AVEN: variants seen among roughly 807,000 people sequenced by gnomAD.
AVEN encodes the protein cell death regulator Aven.
Under a neutral mutation model 38.1 loss-of-function variants are expected in AVEN, and 41 were observed. The observed-to-expected ratio is 1.08, with a 90% CI of 0.84 to 1.40. The LOEUF is 1.40. Among genes scored for constraint, AVEN ranks in the 40% most tolerant of loss-of-function variants. The pLI is 0.00. For missense variants in AVEN, 605 were observed against 438.8 expected (o/e 1.38, Z -3.38); for synonymous variants, 206 against 171.8 (o/e 1.20, Z -1.56).
chr15:33,905,336 T>C (rs1243733440), intron 2 of AVEN, among the ~76,000 whole-genome samples: 2 of 152,066 alleles, frequency 1.3e-5, no homozygotes, highest in African/African-American at 4.8e-5. Context: ...AATTCTCTCA[T>C]TGGAAAAATA....
chr15:33,883,079 G>A (rs1260467114), intron 2 of AVEN, among the ~76,000 whole-genome samples: 1 of 152,204 alleles, frequency 6.6e-6, no homozygotes, highest in East Asian at 1.9e-4. Flanking sequence ...AGGAGATCAA[G>A]TTCTTACCTA....
chr15:33,872,288 A>G (rs548247126), intron 3 of AVEN, among the ~76,000 whole-genome samples: 1 of 152,198 alleles, frequency 6.6e-6, no homozygotes, highest in African/African-American at 2.4e-5. Flanking sequence ...GCCAGGAATC[A>G]TAAGACTCTG....
chr15:33,992,550 A>T (rs989333840), intron 2 of AVEN, among the ~76,000 whole-genome samples: 2 of 152,344 alleles, frequency 1.3e-5, no homozygotes, highest in African/African-American at 4.8e-5. Context: ...TTTAATTTAT[A>T]GTTCTGTTTG....
At chr15:33,854,860 G>C (rs766735944), downstream of AVEN, 3 of 1,613,668 alleles carry the variant, frequency 1.9e-6, no homozygotes, top group South Asian at 1.1e-5. Flanking sequence ...ATCGCAATGG[G>C]CTTCAAGACA....
At position 33,984,407 on chromosome 15, in the gene AVEN, GTT is replaced by G. The variant is rs11363064; in HGVS notation, c.445+18623_445+18624del. Among the ~76,000 whole-genome samples the G allele has an allele frequency of 2.8e-4, 41 of 148,172 alleles. 1 individual carries two copies. The highest frequency in any genetic ancestry group is 1.8e-3 in the East Asian group (9 of 5,068). On this transcript the variant is annotated intron_variant, in intron 2 of 5. Transcript: ENST00000306730. ...CCTGTTAGAATAGATTGATGGTAGGGTTTTTTTTTTTTGAGACAGAGTTTCAC... is the reference window on the plus strand; with the variant it reads ...CCTGTTAGAATAGATTGATGGTAGGGTTTTTTTTTTGAGACAGAGTTTCAC...
At chr15:34,059,471 G>A (rs1489069016) in intron 5 of AVEN, among the ~76,000 whole-genome samples, 1 of 152,150 alleles carries the variant, frequency 6.6e-6, no homozygotes, top group Non-Finnish European at 1.5e-5. Context: ...ACTACCTTCA[G>A]AGTAGATGGG....
At chr15:33,917,350 T>TGGTGTG in intron 2 of AVEN, among the ~76,000 whole-genome samples, 1 of 50,504 alleles carries the variant, frequency 2.0e-5, no homozygotes, top group Admixed American at 2.2e-4. Flanking sequence ...AAAGAAAATG[T>TGGTGTG]GGTGTGTGTG....
chr15:33,941,955 G>C (rs888103761), intron 2 of AVEN, among the ~76,000 whole-genome samples: 2 of 152,168 alleles, frequency 1.3e-5, no homozygotes, highest in African/African-American at 4.8e-5. Context: ...TAAAGGGACA[G>C]CCTGCCCTAA....
intron 3 of AVEN, among the ~76,000 whole-genome samples, chr15:33,872,554 G>C (rs1422333042): frequency 6.6e-6 from 1 of 152,028 alleles, no homozygotes; most frequent in Admixed American, 6.6e-5. Context: ...GGTGGCGTGG[G>C]GGGAGCCGGG....
At position 33,867,565 on chromosome 15, in the gene AVEN, GTTATCT is replaced by G; in HGVS notation, c.897_902del (p.Asp300_Asn301del). On this transcript the variant is annotated inframe_deletion, in exon 5 of 6. Transcript: ENST00000306730. The stretch of plus-strand genomic sequence containing the variant: ...CCTGAGACGTCTGATCTGGTAAGAT[GTTATCT>G]CCCTCTTTTATAGGTGCATCTAAAT... The G allele has an allele frequency of 6.2e-7, 1 of 1,614,096 alleles. No individual in the cohort carries two copies. The highest frequency in any genetic ancestry group is 1.1e-5 in the South Asian group (1 of 91,008).
the AVEN span, chr15:33,852,904 C>T: frequency 7.0e-6 from 5 of 710,818 alleles, no homozygotes; most frequent in Non-Finnish European, 1.2e-5. Context: ...CTCTGAACTT[C>T]AATCAGATCT....
chr15:33,872,610 ACTCAGCAGCCAGCAGTTTG>A (rs201149519), intron 3 of AVEN, among the ~76,000 whole-genome samples: 2,416 of 151,998 alleles, frequency 0.016, 53 homozygotes, highest in African/African-American at 0.049. Context: ...GCCGCATATC[ACTCAGCAGCCAGCAGTTTG>A]CTCAGCAGCC....
chr15:33,963,757 A>T (rs571324249), intron 2 of AVEN, among the ~76,000 whole-genome samples: 84 of 143,426 alleles, frequency 5.9e-4, no homozygotes, highest in Non-Finnish European at 1.0e-3. Context: ...AGATCGCACC[A>T]CTGCATTCCA....
At chr15:33,854,320 T>C (rs889082475), downstream of AVEN, 6 of 1,328,080 alleles carry the variant, frequency 4.5e-6, no homozygotes, top group African/African-American at 6.0e-5. Context: ...AACTTACTTT[T>C]TCCCCCTTAT....
At chr15:33,958,714 T>C (rs1432817735) in intron 2 of AVEN, among the ~76,000 whole-genome samples, 1 of 152,198 alleles carries the variant, frequency 6.6e-6, no homozygotes, top group Non-Finnish European at 1.5e-5. Flanking sequence ...TAATCCTCTA[T>C]TTATACTCTT....
At chr15:33,854,195 C>CA (rs35238625), downstream of AVEN, among the ~76,000 whole-genome samples, 114,381 of 138,106 alleles carry the variant, frequency 0.83, 49,577 homozygotes, top group Non-Finnish European at 0.97. Context: ...GACTCCGTTT[C>CA]AAAAAAAAAA....
intron 2 of AVEN, among the ~76,000 whole-genome samples, chr15:33,953,804 T>C (rs1263679656): frequency 2.6e-5 from 4 of 152,156 alleles, no homozygotes; most frequent in African/African-American, 9.7e-5. Context: ...CTAATTAAAC[T>C]AAACGGCTTC....
intron 1 of AVEN, among the ~76,000 whole-genome samples, chr15:34,038,390 G>C (rs994419238): frequency 2.6e-5 from 4 of 152,194 alleles, no homozygotes; most frequent in Non-Finnish European, 2.9e-5. Flanking sequence ...AGGCTGCCGA[G>C]GGACCACGTC....
chr15:33,853,814 C>G, downstream of AVEN: 1 of 1,151,526 alleles, frequency 8.7e-7, no homozygotes, highest in Non-Finnish European at 1.2e-6. Flanking sequence ...CTTCTAGGTT[C>G]TAACACTGGG....
Sources: allele counts gnomAD v4.1 joint callset (sites outside exome capture counted in the v4.1 genomes callset), GRCh38; gene constraint gnomAD v4.1.1; transcripts MANE v1.5; gene names NCBI Gene and HGNC (gene_info 2026-07-23, HGNC 2026-07-21).